The following TJP2 variants were observed in gnomAD, a reference collection of about 807,000 sequenced individuals.
The protein encoded by TJP2 is Friedreich ataxia region gene X104 (tight junction protein ZO-2).
Under a neutral mutation model 133.1 loss-of-function variants are expected in TJP2, and 91 were observed. The ratio of observed to expected loss-of-function variants is 0.68; its 90% CI spans 0.58 to 0.81. TJP2 has a LOEUF of 0.81. TJP2 is among the 40% of genes least tolerant of loss of function. TJP2 has a pLI of 0.00. For missense variants in TJP2, 1,541 were observed against 1,565.6 expected (o/e 0.98, Z 0.26); for synonymous variants, 592 against 583.4 (o/e 1.01, Z -0.21).
intron 2 of TJP2, among the ~76,000 whole-genome samples, chr9:69,168,522 C>T (rs1160253526): frequency 6.6e-6 from 1 of 152,086 alleles, no homozygotes; most frequent in African/African-American, 2.4e-5. Flanking sequence ...GGGCAGGACG[C>T]GGTGGCTCAT....
chr9:69,193,949 A>G (rs1007085538), intron 1 of TJP2, among the ~76,000 whole-genome samples: 8 of 152,156 alleles, frequency 5.3e-5, no homozygotes, highest in Admixed American at 4.6e-4. Context: ...GCAAGAACAC[A>G]TTCAGTTATT....
At chr9:69,231,627 G>A (rs978220775) in intron 11 of TJP2, among the ~76,000 whole-genome samples, 11 of 151,150 alleles carry the variant, frequency 7.3e-5, no homozygotes, top group South Asian at 2.1e-4. Context: ...TCTTGGCCCC[G>A]TTGCAGTATT....
intron 1 of TJP2, among the ~76,000 whole-genome samples, chr9:69,134,904 C>A (rs1822656776): frequency 1.3e-5 from 2 of 151,352 alleles, no homozygotes. Flanking sequence ...CATGGCCTTT[C>A]CTGGATGCAT....
intron 17 of TJP2, among the ~76,000 whole-genome samples, chr9:69,240,515 G>A (rs1450248977): frequency 2.0e-5 from 3 of 152,176 alleles, no homozygotes; most frequent in Admixed American, 6.5e-5. Context: ...CTTACAAAGC[G>A]AAAGGAACTT....
chr9:69,204,962 T>G, intron 1 of TJP2: 1 of 1,303,502 alleles, frequency 7.7e-7, no homozygotes, highest in South Asian at 2.7e-5. Flanking sequence ...CAAACTGCTT[T>G]CTTTTTTGCT....
At chr9:69,210,298 CCAAAA>C (rs914879651) in intron 1 of TJP2, among the ~76,000 whole-genome samples, 3 of 25,726 alleles carry the variant, frequency 1.2e-4, no homozygotes, top group African/African-American at 4.0e-4. Context: ...CCCCCCCCCC[CCAAAA>C]AAAAAAAAAG....
intron 1 of TJP2, among the ~76,000 whole-genome samples, chr9:69,138,854 T>C (rs1176989203): frequency 6.6e-6 from 1 of 152,072 alleles, no homozygotes; most frequent in African/African-American, 2.4e-5. Context: ...GAGGCGGATG[T>C]TGTAGTGAGC....
chr9:69,232,004 C>T (rs779055409), intron 11 of TJP2, among the ~76,000 whole-genome samples: 4 of 152,036 alleles, frequency 2.6e-5, no homozygotes, highest in South Asian at 2.1e-4. Context: ...TCTAAATTTC[C>T]GTGAAGAAAA....
Position 69,212,541 on chromosome 9 carries a change from A to G in TJP2, c.61-7A>G, listed in dbSNP as rs755087942. On this transcript the variant is annotated splice_region_variant and splice_polypyrimidine_tract_variant and intron_variant, in intron 1 of 22. Coordinates refer to ENST00000377245, the MANE Select transcript of TJP2 (RefSeq NM_004817.4). Reference sequence around the variant, plus strand: ...TTCATCAGATTGGTTTTGTTCTTTTAAAACAGGCCCCAGGCATGGAAGAGC... The same window carrying G: ...TTCATCAGATTGGTTTTGTTCTTTTGAAACAGGCCCCAGGCATGGAAGAGC... The G allele has an allele frequency of 1.1e-4, 182 of 1,610,942 alleles. No homozygotes were observed. The highest frequency in any genetic ancestry group is 1.5e-4 in the Non-Finnish European group (174 of 1,177,368).
At chr9:69,193,856 A>G (rs1247587692) in intron 1 of TJP2, among the ~76,000 whole-genome samples, 1 of 151,838 alleles carries the variant, frequency 6.6e-6, no homozygotes, top group Non-Finnish European at 1.5e-5. Context: ...AGTATGTTCC[A>G]GTATGATGGA....
chr9:69,172,063 G>A (rs778766530), upstream of TJP2, among the ~76,000 whole-genome samples: 4 of 152,240 alleles, frequency 2.6e-5, no homozygotes, highest in Non-Finnish European at 4.4e-5. Flanking sequence ...CCAAAGTGCT[G>A]GGATTACAGG....
At position 69,212,542 on chromosome 9, in the gene TJP2, A is replaced by G; in HGVS notation, c.61-6A>G. 3 of 1,611,798 alleles carry G rather than the reference A, an allele frequency of 1.9e-6. No individual in the cohort carries two copies. Among genetic ancestry groups the G allele is most frequent in the Non-Finnish European group, 2.5e-6 (3 of 1,178,046 alleles). On this transcript the variant is annotated splice_region_variant and splice_polypyrimidine_tract_variant and intron_variant, in intron 1 of 22. Coordinates refer to ENST00000377245, the MANE Select transcript of TJP2 (RefSeq NM_004817.4). ...TCATCAGATTGGTTTTGTTCTTTTA[A>G]AACAGGCCCCAGGCATGGAAGAGCT...
chr9:69,250,581 C>G (rs1215826797), intron 20 of TJP2, among the ~76,000 whole-genome samples: 1 of 152,174 alleles, frequency 6.6e-6, no homozygotes, highest in Admixed American at 6.5e-5. Flanking sequence ...TGAAGCAGTG[C>G]TCTCCTCGCT....
intron 1 of TJP2, among the ~76,000 whole-genome samples, chr9:69,146,674 C>T (rs147545261): frequency 8.2e-4 from 124 of 152,064 alleles, no homozygotes; most frequent in African/African-American, 2.8e-3. Context: ...TGGTTGTCAA[C>T]GGGGAGGTGG....
At chr9:69,173,925 G>T (rs1206766148), upstream of TJP2, 1 of 983,834 alleles carries the variant, frequency 1.0e-6, no homozygotes, top group Admixed American at 6.1e-5. Context: ...TTGCTCCAGT[G>T]CACGCCGCGG....
rs1362285649 is a variant in TJP2 at position 69,251,137 on chromosome 9, A to T, written c.3094A>T (p.Thr1032Ser). 2 of 1,614,118 alleles carry T rather than the reference A, an allele frequency of 1.2e-6. No homozygotes were observed. The highest frequency in any genetic ancestry group is 2.2e-5 in the South Asian group (2 of 91,062). Reference protein sequence around the residue: ...VAGNETPGASTKGYPPPVAAK... With the variant: ...VAGNETPGASSKGYPPPVAAK... ...TGGTAATGAAACTCCTGGGGCATCT[A>T]CCAAAGGTTATCCTCCTCCTGTTGC... is the stretch of plus-strand genomic sequence containing the variant. The change falls in exon 21 of 23, where the codon ACC (threonine) becomes TCC (serine). Residue 1032 changes from threonine to serine, a missense_variant. Physicochemically the swap from Thr to Ser is moderately conservative, Grantham distance 58. Coordinates refer to ENST00000377245, the MANE Select transcript of TJP2 (RefSeq NM_004817.4).
At chr9:69,131,184 C>T (rs1038753321) in intron 1 of TJP2, among the ~76,000 whole-genome samples, 5 of 152,164 alleles carry the variant, frequency 3.3e-5, no homozygotes, top group Admixed American at 2.6e-4. Context: ...TTTCTTTGTG[C>T]GAGGAGTGAC....
chr9:69,140,886 G>A (rs1374820325), intron 1 of TJP2, among the ~76,000 whole-genome samples: 3 of 152,120 alleles, frequency 2.0e-5, no homozygotes, highest in Non-Finnish European at 4.4e-5. Flanking sequence ...TCTCGCTGTC[G>A]CCCAGGCTGG....
intron 20 of TJP2, among the ~76,000 whole-genome samples, chr9:69,250,172 G>T (rs545470789): frequency 6.6e-6 from 1 of 152,140 alleles, no homozygotes; most frequent in African/African-American, 2.4e-5. Flanking sequence ...GTGCAATCTC[G>T]GCTCACTGCA....
Sources: gnomAD v4.1 joint callset for allele counts (sites outside exome capture counted in the v4.1 genomes callset) on GRCh38, gnomAD v4.1.1 for gene constraint, MANE v1.5 for transcripts, NCBI Gene and HGNC (gene_info 2026-07-23, HGNC 2026-07-21) for gene names.